Variants in CPNE8 observed in about 807,000 individuals in gnomAD.
CPNE8 encodes the protein copine 8.
Under a neutral mutation model 81.5 loss-of-function variants are expected in CPNE8, and 45 were observed. The observed-to-expected ratio is 0.55, with a 90% CI of 0.44 to 0.71. The LOEUF is 0.71. CPNE8 is among the 30% of genes least tolerant of loss of function. The pLI, the probability that CPNE8 is intolerant of heterozygous loss-of-function variation, is 0.00. For synonymous variants in CPNE8, 252 were observed against 226.3 expected, an observed-to-expected ratio of 1.11 and a Z score of -1.02; for missense variants, 594 against 672.1, an observed-to-expected ratio of 0.88 and a Z score of 1.28.
chr12:38,693,596 C>T, intron 15 of CPNE8, 61 bp downstream of exon 15: 1 of 1,395,982 alleles, frequency 7.2e-7, no homozygotes, highest in South Asian at 1.4e-5. Context: ...AGTACCAAAG[C>T]AATATTAAAA....
chr12:38,741,644 C>G (rs551899951), intron 10 of CPNE8, among the ~76,000 whole-genome samples: 25 of 152,262 alleles, frequency 1.6e-4, no homozygotes, highest in African/African-American at 5.5e-4. Flanking sequence ...GTTTAAAACA[C>G]CAAAAGCAAT....
intron 1 of CPNE8, among the ~76,000 whole-genome samples, chr12:38,875,405 G>A (rs1241950748): frequency 6.6e-6 from 1 of 152,014 alleles, no homozygotes; most frequent in African/African-American, 2.4e-5. Flanking sequence ...GATGACTTGA[G>A]GGTTCTAAAA....
intron 6 of CPNE8, among the ~76,000 whole-genome samples, chr12:38,778,612 C>A (rs1172283196): frequency 6.6e-6 from 1 of 152,160 alleles, no homozygotes. Flanking sequence ...AAAACCTTAT[C>A]CTAGGCAGCC....
chr12:38,700,307 C>T (rs980948990), intron 14 of CPNE8, among the ~76,000 whole-genome samples: 5 of 142,560 alleles, frequency 3.5e-5, no homozygotes, highest in African/African-American at 1.3e-4. Flanking sequence ...GGCATGATCT[C>T]GGCTCACTGC....
intron 6 of CPNE8, 110 bp downstream of exon 6, chr12:38,829,269 A>G (rs963829082): frequency 3.0e-6 from 2 of 668,394 alleles, no homozygotes; most frequent in African/African-American, 1.8e-5. Context: ...AACTCAAACA[A>G]GATTTTAAAA....
chr12:38,884,988 C>G (rs1289111499), intron 1 of CPNE8, among the ~76,000 whole-genome samples: 1 of 152,006 alleles, frequency 6.6e-6, no homozygotes, highest in Non-Finnish European at 1.5e-5. Context: ...ATATGACACT[C>G]TCTGCTGAAA....
intron 3 of CPNE8, among the ~76,000 whole-genome samples, chr12:38,856,254 C>A (rs934907434): frequency 3.3e-5 from 5 of 152,100 alleles, no homozygotes; most frequent in Admixed American, 2.0e-4. Flanking sequence ...TTGACGGCTT[C>A]TCTGATGAAT....
chr12:38,656,592 T>C (rs1486667052), intron 19 of CPNE8, among the ~76,000 whole-genome samples: 9 of 152,212 alleles, frequency 5.9e-5, no homozygotes, highest in Non-Finnish European at 1.3e-4. Flanking sequence ...AGCCTGGTTC[T>C]GCTGCCTGTT....
chr12:38,719,677 T>C (rs1940503911), intron 13 of CPNE8, among the ~76,000 whole-genome samples: 2 of 151,718 alleles, frequency 1.3e-5, no homozygotes, highest in Admixed American at 1.3e-4. Context: ...TAAAGATACA[T>C]AATACAATGA....
intron 3 of CPNE8, 139 bp from the exon 4 acceptor site, chr12:38,848,801 C>T (rs919812871): frequency 8.8e-6 from 10 of 1,135,490 alleles, no homozygotes; most frequent in African/African-American, 3.3e-5. Context: ...GATAAAATCA[C>T]CTCTCTTATT....
intron 11 of CPNE8, 94 bp from the exon 12 acceptor site, chr12:38,724,993 T>A: frequency 1.9e-6 from 2 of 1,063,368 alleles, no homozygotes; most frequent in Non-Finnish European, 2.8e-6. Flanking sequence ...CCTGCTGCCT[T>A]CCCTTCTTAT....
At chr12:38,672,496 C>A (rs991569915) in intron 18 of CPNE8, among the ~76,000 whole-genome samples, 1 of 152,102 alleles carries the variant, frequency 6.6e-6, no homozygotes, top group East Asian at 1.9e-4. Flanking sequence ...AGATTATGAA[C>A]CCCAGTCTCC....
chr12:38,690,292 C>T (rs1386017), intron 15 of CPNE8, among the ~76,000 whole-genome samples: 145,688 of 152,274 alleles, frequency 0.96, 69,860 homozygotes, highest in East Asian at 1. Flanking sequence ...ATTGCAGTGA[C>T]TTAGGATGAG....
rs758287157 is a variant in CPNE8, at chr12:38,848,587, C to T, written c.262G>A (p.Glu88Lys). 26 of 1,583,742 alleles carry T rather than the reference C, an allele frequency of 1.6e-5. No individual in the cohort carries two copies. Among genetic ancestry groups the T allele is most frequent in the Non-Finnish European group, 2.1e-5 (25 of 1,171,478 alleles). The change falls in exon 4 of 20, where the codon GAA becomes AAA. Residue 88 changes from glutamate to lysine, a missense_variant. Physicochemically the swap from Glu to Lys is moderately conservative, Grantham distance 56. Transcript: ENST00000331366. ...VRKFILDYFF[E>K]ERENLRFDLY... Reference sequence around the variant, plus strand: ...TCAAAACGAAGATTCTCTCTTTCTTCAAAAAAGTAGTCCAGAATAAACTTT... The same window carrying T: ...TCAAAACGAAGATTCTCTCTTTCTTTAAAAAAGTAGTCCAGAATAAACTTT...
At chr12:38,771,178 G>A (rs986898032) in intron 7 of CPNE8, among the ~76,000 whole-genome samples, 2 of 151,638 alleles carry the variant, frequency 1.3e-5, no homozygotes, top group African/African-American at 4.8e-5. Flanking sequence ...TACATAAAAG[G>A]CCAGGCATAG....
At chr12:38,828,233 A>G (rs1327918527) in intron 6 of CPNE8, among the ~76,000 whole-genome samples, 2 of 152,224 alleles carry the variant, frequency 1.3e-5, no homozygotes, top group African/African-American at 4.8e-5. Context: ...TATGCACTCA[A>G]TAAAATATTT....
At chr12:38,831,398 G>A (rs1394298951) in intron 5 of CPNE8, among the ~76,000 whole-genome samples, 1 of 152,022 alleles carries the variant, frequency 6.6e-6, no homozygotes, top group Non-Finnish European at 1.5e-5. Flanking sequence ...CAGGAATGAG[G>A]AAAAAAACTA....
chr12:38,831,878 C>A (rs1237814109), intron 5 of CPNE8, among the ~76,000 whole-genome samples: 1 of 152,196 alleles, frequency 6.6e-6, no homozygotes, highest in African/African-American at 2.4e-5. Flanking sequence ...TTATGCGCAC[C>A]TGCAAATACT....
chr12:38,869,342 T>C (rs1943958528), intron 3 of CPNE8, among the ~76,000 whole-genome samples: 1 of 152,186 alleles, frequency 6.6e-6, no homozygotes, highest in Non-Finnish European at 1.5e-5. Flanking sequence ...ATAGTACTTC[T>C]TATGTGCCAG....
Sources: allele counts gnomAD v4.1 joint callset (sites outside exome capture counted in the v4.1 genomes callset), GRCh38; gene constraint gnomAD v4.1.1; transcripts MANE v1.5; gene names NCBI Gene and HGNC (gene_info 2026-07-23, HGNC 2026-07-21).